Variants in ERC1 observed in about 807,000 individuals in gnomAD.
The protein encoded by ERC1 is RAB6 interacting protein 2.
A neutral mutation model predicts 132.0 loss-of-function variants in ERC1; 56 were observed. The observed-to-expected ratio is 0.42, with a 90% confidence interval of 0.34 to 0.53. The LOEUF (loss-of-function observed/expected upper bound fraction) is 0.53. ERC1 is among the 20% of genes least tolerant of loss of function. The pLI is 0.03. For missense variants in ERC1, 1,202 were observed against 1,349.9 expected, an observed-to-expected ratio of 0.89 and a Z score of 1.72; for synonymous variants, 478 against 476.1, an observed-to-expected ratio of 1.00 and a Z score of -0.05.
intron 2 of ERC1, among the ~76,000 whole-genome samples, chr12:1,066,348 A>G (rs1312420331): frequency 6.6e-6 from 1 of 152,256 alleles, no homozygotes; most frequent in Non-Finnish European, 1.5e-5. Context: ...AGGAAGAACA[A>G]AGAACTATAT....
intron 2 of ERC1, among the ~76,000 whole-genome samples, chr12:1,050,641 A>G (rs183529141): frequency 2.6e-5 from 4 of 152,304 alleles, no homozygotes; most frequent in Non-Finnish European, 5.9e-5. Flanking sequence ...GACTCATTTT[A>G]AAAAACTGAA....
intron 14 of ERC1, among the ~76,000 whole-genome samples, chr12:1,267,956 T>C (rs1244183446): frequency 6.6e-6 from 1 of 152,226 alleles, no homozygotes; most frequent in African/African-American, 2.4e-5. Context: ...TGCTAGGTAA[T>C]GATACATTAA....
chr12:1,217,955 G>T (rs557080712), intron 12 of ERC1, among the ~76,000 whole-genome samples: 1 of 152,286 alleles, frequency 6.6e-6, no homozygotes, highest in African/African-American at 2.4e-5. Flanking sequence ...TTGCAGACTG[G>T]TCTCACATTG....
chr12:1,278,257 G>A (rs939999387), intron 14 of ERC1, among the ~76,000 whole-genome samples: 2 of 152,200 alleles, frequency 1.3e-5, no homozygotes, highest in African/African-American at 4.8e-5. Flanking sequence ...AAATCTCCAT[G>A]TTTAGACTTC....
chr12:993,587 A>T (rs1000550334), intron 1 of ERC1, among the ~76,000 whole-genome samples: 1 of 152,186 alleles, frequency 6.6e-6, no homozygotes, highest in East Asian at 1.9e-4. Context: ...TGTTAATTCA[A>T]CATTAATACT....
intron 2 of ERC1, among the ~76,000 whole-genome samples, chr12:1,073,293 CCTT>C (rs1315954175): frequency 1.3e-5 from 2 of 150,814 alleles, no homozygotes; most frequent in African/African-American, 2.4e-5. Flanking sequence ...GAGCAAGACT[CCTT>C]CTCAAAAAAA....
intron 1 of ERC1, chr12:991,901 T>TGAGGC (rs2154124308): frequency 6.7e-6 from 1 of 148,904 alleles, no homozygotes; most frequent in South Asian, 2.1e-4. Context: ...ATGTTGCCTT[T>TGAGGC]GAGGCAGTTG....
At chr12:1,446,333 G>A (rs1335477237) in intron 18 of ERC1, among the ~76,000 whole-genome samples, 1 of 152,084 alleles carries the variant, frequency 6.6e-6, no homozygotes, top group Non-Finnish European at 1.5e-5. Context: ...TTGAGACATA[G>A]AAACAGAAAA....
At chr12:1,374,614 C>A (rs950783181) in intron 16 of ERC1, among the ~76,000 whole-genome samples, 2 of 152,160 alleles carry the variant, frequency 1.3e-5, no homozygotes, top group African/African-American at 4.8e-5. Flanking sequence ...ATGTAAACTC[C>A]GATAGAACCC....
At chr12:1,284,538 T>C (rs138939684) in intron 14 of ERC1, among the ~76,000 whole-genome samples, 1 of 152,348 alleles carries the variant, frequency 6.6e-6, no homozygotes, top group East Asian at 1.9e-4. Context: ...GTTGCTGTAC[T>C]AATTTACATT....
intron 8 of ERC1, among the ~76,000 whole-genome samples, chr12:1,144,614 G>GTATATATATA (rs142846830): frequency 2.3e-5 from 3 of 132,290 alleles, no homozygotes; most frequent in African/African-American, 9.4e-5. Context: ...GAATTTTGTG[G>GTATATATATA]TATATATATA....
chr12:1,220,547 C>T (rs770302040), intron 12 of ERC1, among the ~76,000 whole-genome samples: 1 of 152,090 alleles, frequency 6.6e-6, no homozygotes, highest in Non-Finnish European at 1.5e-5. Flanking sequence ...TTGAGCAATT[C>T]TTTTGTACTT....
intron 2 of ERC1, among the ~76,000 whole-genome samples, chr12:1,056,085 A>T (rs7973995): frequency 0.63 from 76,570 of 122,476 alleles, 21,000 homozygotes; most frequent in East Asian, 0.8. Flanking sequence ...TTTTTTTTTT[A>T]AAAAAAAGGT....
At chr12:1,081,071 A>G (rs187648249) in intron 2 of ERC1, among the ~76,000 whole-genome samples, 4 of 152,216 alleles carry the variant, frequency 2.6e-5, no homozygotes, top group African/African-American at 9.6e-5. Flanking sequence ...ACTGAAACTC[A>G]TGTTTTCTCA....
At chr12:1,179,976 A>T (rs1259807778) in intron 8 of ERC1, among the ~76,000 whole-genome samples, 1 of 152,262 alleles carries the variant, frequency 6.6e-6, no homozygotes, top group Non-Finnish European at 1.5e-5. Flanking sequence ...GTATGAATGA[A>T]TGGCTAAGAA....
intron 15 of ERC1, among the ~76,000 whole-genome samples, chr12:1,336,436 C>G (rs1039878895): frequency 6.6e-6 from 1 of 152,080 alleles, no homozygotes; most frequent in African/African-American, 2.4e-5. Context: ...CCCAGAGATT[C>G]TGGTATGTTG....
intron 15 of ERC1, among the ~76,000 whole-genome samples, chr12:1,343,324 A>G (rs1247809567): frequency 1.3e-5 from 2 of 152,192 alleles, no homozygotes; most frequent in East Asian, 3.8e-4. Context: ...CTAATGCTAA[A>G]TTAGTTCATG....
chr12:1,357,148 T>C (rs2085623557), intron 15 of ERC1, among the ~76,000 whole-genome samples: 1 of 152,208 alleles, frequency 6.6e-6, no homozygotes, highest in Non-Finnish European at 1.5e-5. Context: ...TTTGTAAGTG[T>C]ACCACAAATC....
intron 15 of ERC1, among the ~76,000 whole-genome samples, chr12:1,368,019 G>A (rs2086832523): frequency 6.8e-6 from 1 of 147,714 alleles, no homozygotes; most frequent in South Asian, 2.1e-4. Context: ...AATTTGACAG[G>A]AAAAGCATTG....
Sources: gnomAD v4.1 joint callset for allele counts (sites outside exome capture counted in the v4.1 genomes callset) on GRCh38, gnomAD v4.1.1 for gene constraint, MANE v1.5 for transcripts, NCBI Gene and HGNC (gene_info 2026-07-23, HGNC 2026-07-21) for gene names.